PREPL: variants seen among roughly 807,000 people sequenced by gnomAD.
PREPL encodes prolyl endopeptidase like, also known as prolyl endopeptidase-like.
Under a neutral mutation model 70.6 loss-of-function variants are expected in PREPL, and 77 were observed. That is an observed-to-expected ratio of 1.09 (90% CI 0.91 to 1.32). The LOEUF (loss-of-function observed/expected upper bound fraction) is 1.32. Among genes scored for constraint, PREPL ranks in the 40% most tolerant of loss-of-function variants. The probability of loss-of-function intolerance (pLI) is 0.00; values close to 1 mark genes in which losing one functional copy is unlikely to be tolerated. For missense variants in PREPL, 1,002 were observed against 778.2 expected, an observed-to-expected ratio of 1.29 and a Z score of -3.42; for synonymous variants, 315 against 264.8, an observed-to-expected ratio of 1.19 and a Z score of -1.84.
intron 1 of PREPL, among the ~76,000 whole-genome samples, chr2:44,354,272 ATTAAT>A (rs758243214): frequency 6.6e-6 from 1 of 152,356 alleles, no homozygotes; most frequent in Non-Finnish European, 1.5e-5. Context: ...GAAAAAATGC[ATTAAT>A]TTAACTATTA....
intron 9 of PREPL, among the ~76,000 whole-genome samples, chr2:44,328,324 C>A (rs1673736453): frequency 6.8e-6 from 1 of 147,668 alleles, no homozygotes; most frequent in African/African-American, 2.5e-5. Flanking sequence ...GTAGTCCCAG[C>A]TACTCAGGAG....
chr2:44,339,944 G>T (rs1365008344), intron 5 of PREPL, among the ~76,000 whole-genome samples: 1 of 151,540 alleles, frequency 6.6e-6, no homozygotes, highest in Non-Finnish European at 1.5e-5. Flanking sequence ...TCTTACTAAC[G>T]TAACACATTT....
chr2:44,343,981 C>A, intron 3 of PREPL, 30 bp from the exon 4 acceptor site: 1 of 1,596,694 alleles, frequency 6.3e-7, no homozygotes, highest in East Asian at 2.2e-5. Flanking sequence ...AAAGTGATAA[C>A]TTCAAAGGAT....
chr2:44,321,461 TA>T lies in PREPL; in HGVS notation c.1828-17del. 6.2e-7 allele frequency: 1 copy of T among 1,605,238 alleles called. No homozygotes were observed. Among genetic ancestry groups the T allele is most frequent in the South Asian group, 1.1e-5 (1 of 90,476 alleles). ...GGGCTGTAATCTAAAAGAAACACAT[TA>T]AAAAAATTAAATAGAAGGCCTTTGT... On this transcript the variant is annotated splice_polypyrimidine_tract_variant and intron_variant, in intron 13 of 13. Transcript: ENST00000409411.
At chr2:44,335,171 T>C (rs1439981869) in intron 7 of PREPL, among the ~76,000 whole-genome samples, 7 of 152,164 alleles carry the variant, frequency 4.6e-5, no homozygotes, top group South Asian at 2.1e-4. Context: ...AATGAAGAGA[T>C]AGAAGATACA....
chr2:44,358,048 A>T (rs1281338310), intron 1 of PREPL, among the ~76,000 whole-genome samples: 1 of 152,190 alleles, frequency 6.6e-6, no homozygotes, highest in Non-Finnish European at 1.5e-5. Flanking sequence ...CACAACACCT[A>T]AATAGGTATC....
intron 1 of PREPL, among the ~76,000 whole-genome samples, chr2:44,355,573 G>T (rs1048195812): frequency 4.6e-5 from 7 of 151,988 alleles, no homozygotes. Context: ...ACCCTGTAAA[G>T]ACTCTCATCT....
At chr2:44,344,149 T>C (rs1675525061) in intron 3 of PREPL, among the ~76,000 whole-genome samples, 198 bp from the exon 4 acceptor site, 1 of 152,210 alleles carries the variant, frequency 6.6e-6, no homozygotes, top group African/African-American at 2.4e-5. Context: ...TTCAATACTA[T>C]TCTGTGCATC....
chr2:44,321,368 G>T lies in PREPL; in HGVS notation c.1905C>A (p.Tyr635Ter), dbSNP rs759556547. The change falls in exon 14 of 14, where the codon TAC becomes TAA. Residue 635 changes from tyrosine (Y) to a stop codon, truncating the protein, a stop_gained. Coordinates refer to ENST00000409411, the MANE Select transcript of PREPL (RefSeq NM_001171613.2). LOFTEE classifies it high-confidence loss of function. ...STSVFEDLKK[Y>*]LKF ...TGAATGCAGTGTTTCAGAATTTCAG[G>T]TATTTCTTAAGATCCTCGAAAACAC... 1 of 1,606,092 alleles carries T rather than the reference G, an allele frequency of 6.2e-7. No homozygotes were observed. Among genetic ancestry groups the T allele is most frequent in the African/African-American group, 1.3e-5 (1 of 74,762 alleles).
At chr2:44,325,505 TAAG>T (rs961321179) in intron 10 of PREPL, among the ~76,000 whole-genome samples, 3 of 152,212 alleles carry the variant, frequency 2.0e-5, no homozygotes, top group African/African-American at 2.4e-5. Flanking sequence ...TTGGTGCTTA[TAAG>T]AAGAATTTGA....
chr2:44,344,403 A>G (rs931646009), intron 3 of PREPL, 117 bp downstream of exon 3: 39 of 842,076 alleles, frequency 4.6e-5, no homozygotes, highest in Non-Finnish European at 6.8e-5. Context: ...ATTAAAAAAA[A>G]ATTCAGAAAT....
rs760601671 is a variant in PREPL, at chr2:44,323,378, C to T, written c.1513G>A (p.Asp505Asn). 2.5e-6 allele frequency: 4 copies of T among 1,603,972 alleles called. No homozygotes were observed. In the East Asian group the frequency reaches 6.7e-5, roughly 27 times the overall value. The change falls in exon 11 of 14, where the codon GAC (aspartate) becomes AAC (asparagine). Residue 505 changes from aspartate to asparagine, a missense_variant. Transcript: ENST00000409411. Reference sequence around the variant, plus strand: ...TCTAATGTCAGAGGAAGTGTAGTGTCCATCATGGTGTTGAGAACATCCAAG... The same window carrying T: ...TCTAATGTCAGAGGAAGTGTAGTGTTCATCATGGTGTTGAGAACATCCAAG... ...PFLDVLNTMM[D>N]TTLPLTLEEL...
chr2:44,340,906 T>C (rs1675146177), intron 5 of PREPL, among the ~76,000 whole-genome samples: 1 of 147,250 alleles, frequency 6.8e-6, no homozygotes, highest in Non-Finnish European at 1.5e-5. Context: ...CCAGTCTGGG[T>C]GACAGAGTGA....
At chr2:44,341,242 C>T (rs112578410) in intron 5 of PREPL, among the ~76,000 whole-genome samples, 6,948 of 152,000 alleles carry the variant, frequency 0.046, 511 homozygotes, top group African/African-American at 0.16. Flanking sequence ...TATTTTTTCC[C>T]AAATAGTATT....
At chr2:44,344,619 T>A (rs1408881126) in intron 2 of PREPL, 33 bp from the exon 3 acceptor site, 14 of 1,476,750 alleles carry the variant, frequency 9.5e-6, no homozygotes, top group African/African-American at 2.8e-5. Context: ...TACTTAATAA[T>A]AATTTAATTA....
chr2:44,348,865 G>A (rs1049866195), intron 1 of PREPL, among the ~76,000 whole-genome samples: 1 of 152,130 alleles, frequency 6.6e-6, no homozygotes, highest in Non-Finnish European at 1.5e-5. Context: ...AGGGATACCT[G>A]CTCAGTGTTT....
In PREPL at chr2:44,321,303, TA is replaced by T; in HGVS notation, c.*52del. 1.4e-6 allele frequency: 2 copies of T among 1,407,212 alleles called. No individual in the cohort carries two copies. Among genetic ancestry groups the T allele is most frequent in the Admixed American group, 1.9e-5 (1 of 51,850 alleles). The allele number at this position is 1,407,212 out of a possible 1,614,324, so 87.2% of individuals were successfully genotyped here. On this transcript the variant is annotated 3_prime_UTR_variant, in exon 14 of 14. Transcript: ENST00000409411. The stretch of plus-strand genomic sequence containing the variant: ...TTTTTTTTGCTAACTCAATTGGAAG[TA>T]AGACTATGAAATATTTCAGTGTGTT...
At chr2:44,344,695 T>C (rs1394210155) in intron 2 of PREPL, 109 bp from the exon 3 acceptor site, 9 of 716,830 alleles carry the variant, frequency 1.3e-5, no homozygotes, top group African/African-American at 1.8e-5. Context: ...AACAGACCTG[T>C]TGAAGTATAT....
chr2:44,356,563 AC>A (rs1677070232), intron 1 of PREPL, among the ~76,000 whole-genome samples: 15 of 151,434 alleles, frequency 9.9e-5, no homozygotes, highest in Admixed American at 9.9e-4. Flanking sequence ...AAACAAACAA[AC>A]AAACAACAGA....
Sources: allele counts gnomAD v4.1 joint callset (sites outside exome capture counted in the v4.1 genomes callset), GRCh38; gene constraint gnomAD v4.1.1; transcripts MANE v1.5; gene names NCBI Gene and HGNC (gene_info 2026-07-23, HGNC 2026-07-21).